Variants in GRAMD1C observed in about 807,000 individuals in gnomAD.
The protein encoded by GRAMD1C is GRAM domain containing 1C.
GRAMD1C carries 89 observed loss-of-function variants against 97.8 expected under a neutral mutation model. That is an observed-to-expected ratio of 0.91 (90% CI 0.77 to 1.09). The LOEUF is 1.09. GRAMD1C is among the 50% of genes least tolerant of loss of function. GRAMD1C has a pLI of 0.00. For missense variants in GRAMD1C, 740 were observed against 766.4 expected, an observed-to-expected ratio of 0.97 and a Z score of 0.41; for synonymous variants, 256 against 267.0, an observed-to-expected ratio of 0.96 and a Z score of 0.40.
chr3:113,900,194 A>G (rs976605146), intron 6 of GRAMD1C, among the ~76,000 whole-genome samples: 14 of 151,484 alleles, frequency 9.2e-5, no homozygotes, highest in Non-Finnish European at 1.9e-4. Flanking sequence ...CCCCATCTCT[A>G]CTAAAAATAC....
At chr3:113,850,310 G>T in intron 2 of GRAMD1C, 1 of 709,712 alleles carries the variant, frequency 1.4e-6, no homozygotes, top group Non-Finnish European at 2.6e-6. Flanking sequence ...CACAGCCCCA[G>T]CCTCGACTTT....
At chr3:113,875,183 C>A (rs1464792158) in intron 3 of GRAMD1C, among the ~76,000 whole-genome samples, 1 of 152,094 alleles carries the variant, frequency 6.6e-6, no homozygotes, top group African/African-American at 2.4e-5. Flanking sequence ...CTGCCCTGCC[C>A]TCCTCATACC....
At chr3:113,875,200 T>C (rs980460174) in intron 3 of GRAMD1C, among the ~76,000 whole-genome samples, 1 of 152,178 alleles carries the variant, frequency 6.6e-6, no homozygotes, top group African/African-American at 2.4e-5. Context: ...TACCTGCCTA[T>C]GCTCTCATAG....
chr3:113,927,364 T>C (rs1157457934), intron 10 of GRAMD1C, among the ~76,000 whole-genome samples: 1 of 152,106 alleles, frequency 6.6e-6, no homozygotes, highest in Admixed American at 6.5e-5. Context: ...ACCACGGGGC[T>C]CTTTTAAGCA....
chr3:113,883,701 C>T (rs894874267), intron 6 of GRAMD1C, among the ~76,000 whole-genome samples: 3 of 152,150 alleles, frequency 2.0e-5, no homozygotes, highest in African/African-American at 7.2e-5. Flanking sequence ...ACAAAATAGA[C>T]TTTAAGACAA....
In GRAMD1C at chr3:113,933,580, C is replaced by A. The variant is rs770449892; in HGVS notation, c.1279C>A (p.Pro427Thr). The A allele has an allele frequency of 6.2e-7, 1 of 1,600,490 alleles. No homozygotes were observed. Among genetic ancestry groups the A allele is most frequent in the Admixed American group, 1.7e-5 (1 of 59,986 alleles). Reference sequence around the variant, plus strand: ...TTCAGAAGTACTGACACATGATGTCCCCTACCATGATTACTTCTATACCGT... The same window carrying A: ...TTCAGAAGTACTGACACATGATGTCACCTACCATGATTACTTCTATACCGT... ...VDSEVLTHDV[P>T]YHDYFYTVNR... The change falls in exon 12 of 18, where the codon CCC (proline) becomes ACC (threonine). Residue 427 changes from proline (P) to threonine (T), a missense_variant. Transcript: ENST00000358160.
chr3:113,944,909 T>G (rs1937995000), intron 17 of GRAMD1C, among the ~76,000 whole-genome samples: 1 of 152,218 alleles, frequency 6.6e-6, no homozygotes, highest in Admixed American at 6.5e-5. Context: ...GATTACAAAA[T>G]TCAGTGTCAA....
chr3:113,890,586 G>A (rs1417964486), intron 6 of GRAMD1C: 1 of 547,762 alleles, frequency 1.8e-6, no homozygotes, highest in Non-Finnish European at 3.3e-6. Flanking sequence ...GAAAACTCCA[G>A]TGTTGCCATA....
At chr3:113,900,629 T>A (rs1390608400) in intron 6 of GRAMD1C, among the ~76,000 whole-genome samples, 1 of 151,062 alleles carries the variant, frequency 6.6e-6, no homozygotes, top group East Asian at 2.0e-4. Context: ...GGTTTCACCA[T>A]GTTGGCCAGG....
intron 9 of GRAMD1C, among the ~76,000 whole-genome samples, chr3:113,914,818 G>A (rs974703): frequency 0.2 from 30,723 of 151,716 alleles, 3,132 homozygotes; most frequent in African/African-American, 0.23. Context: ...ATGGAGCCTC[G>A]GCAATTATTT....
chr3:113,897,108 G>A (rs558149768), intron 6 of GRAMD1C, among the ~76,000 whole-genome samples: 4 of 152,136 alleles, frequency 2.6e-5, no homozygotes, highest in African/African-American at 4.8e-5. Flanking sequence ...ATTTCCTTAC[G>A]TTACATTTAC....
At chr3:113,853,958 A>G (rs1460492066) in intron 2 of GRAMD1C, among the ~76,000 whole-genome samples, 1 of 152,096 alleles carries the variant, frequency 6.6e-6, no homozygotes, top group Non-Finnish European at 1.5e-5. Context: ...CTGAGGCTGG[A>G]ATGAGATTGG....
At chr3:113,898,525 T>G (rs1415415086) in intron 6 of GRAMD1C, among the ~76,000 whole-genome samples, 2 of 152,116 alleles carry the variant, frequency 1.3e-5, no homozygotes, top group African/African-American at 4.8e-5. Flanking sequence ...ACGTGTATGT[T>G]CCTTTAATAT....
intron 10 of GRAMD1C, among the ~76,000 whole-genome samples, chr3:113,918,354 A>G (rs889413742): frequency 6.6e-6 from 1 of 152,210 alleles, no homozygotes; most frequent in Non-Finnish European, 1.5e-5. Flanking sequence ...TTTTGAGAGG[A>G]TACCTGTTAA....
In GRAMD1C at chr3:113,891,198, G is replaced by A. The variant is rs1935710583; in HGVS notation, c.540+8366G>A. On this transcript the variant is annotated intron_variant, in intron 6 of 17. Transcript: ENST00000358160. ...AAAAATGTTTAAGCATATATTATGT[G>A]TAAACTACTGTACAGAACTTAAAGT... Among the ~76,000 whole-genome samples, 2 of 152,160 alleles carry A rather than the reference G, an allele frequency of 1.3e-5. 1 individual carries two copies. The highest frequency in any genetic ancestry group is 4.1e-4 in the South Asian group (2 of 4,832).
intron 1 of GRAMD1C, among the ~76,000 whole-genome samples, chr3:113,839,536 C>T (rs922177720): frequency 6.6e-6 from 1 of 152,164 alleles, no homozygotes; most frequent in Admixed American, 6.5e-5. Context: ...GCGGTCAGTG[C>T]TATATCTTCT....
upstream of GRAMD1C, among the ~76,000 whole-genome samples, chr3:113,837,166 C>G (rs1450814021): frequency 6.7e-6 from 1 of 150,336 alleles, no homozygotes; most frequent in South Asian, 2.1e-4. Flanking sequence ...GAGATGGGGC[C>G]CCCCTGTTTT....
chr3:113,884,353 T>C (rs537511569), intron 6 of GRAMD1C, among the ~76,000 whole-genome samples: 4 of 152,230 alleles, frequency 2.6e-5, no homozygotes, highest in Admixed American at 1.3e-4. Flanking sequence ...TACTTGTAAA[T>C]AACCAATGGG....
intron 17 of GRAMD1C, among the ~76,000 whole-genome samples, chr3:113,944,019 C>G (rs766678567): frequency 2.6e-5 from 4 of 152,216 alleles, no homozygotes; most frequent in Non-Finnish European, 4.4e-5. Context: ...TTCTCTATTA[C>G]TCTCCCTTTA....
Sources: gnomAD v4.1 joint callset for allele counts (sites outside exome capture counted in the v4.1 genomes callset) on GRCh38, gnomAD v4.1.1 for gene constraint, MANE v1.5 for transcripts, NCBI Gene and HGNC (gene_info 2026-07-23, HGNC 2026-07-21) for gene names.